GABBR2: variants seen among roughly 807,000 people sequenced by gnomAD.
The protein encoded by GABBR2 is gamma-aminobutyric acid type B receptor subunit 2.
Under a neutral mutation model 105.6 loss-of-function variants are expected in GABBR2, and 23 were observed. That is an observed-to-expected ratio of 0.22 (90% confidence interval 0.16 to 0.31). The LOEUF (loss-of-function observed/expected upper bound fraction) is 0.31. Ranked by LOEUF, GABBR2 falls within the 10% of genes least tolerant of loss-of-function variation. The pLI is 1.00. For synonymous variants in GABBR2, 478 were observed against 499.7 expected, an observed-to-expected ratio of 0.96 and a Z score of 0.58; for missense variants, 734 against 1,245.5, an observed-to-expected ratio of 0.59 and a Z score of 6.18.
At chr9:98,383,472 G>A (rs945699703) in intron 11 of GABBR2, among the ~76,000 whole-genome samples, 1 of 152,202 alleles carries the variant, frequency 6.6e-6, no homozygotes, top group African/African-American at 2.4e-5. Context: ...CAGGCTTGGA[G>A]TGAAAAACTC....
intron 1 of GABBR2, chr9:98,607,456 T>C (rs915748227): frequency 1.7e-5 from 10 of 584,478 alleles, no homozygotes; most frequent in Non-Finnish European, 3.1e-5. Context: ...AAAAAACAGA[T>C]AATGAAAGAA....
At chr9:98,414,328 C>T (rs1832646436) in intron 7 of GABBR2, among the ~76,000 whole-genome samples, 1 of 152,132 alleles carries the variant, frequency 6.6e-6, no homozygotes, top group South Asian at 2.1e-4. Context: ...GAGGAAATTG[C>T]AAGTGCAAAG....
At chr9:98,586,284 CTTTTT>C (rs569530376) in intron 1 of GABBR2, among the ~76,000 whole-genome samples, 3 of 131,096 alleles carry the variant, frequency 2.3e-5, no homozygotes, top group South Asian at 2.4e-4. Flanking sequence ...TCTTTTCTTT[CTTTTT>C]TTTTTTTTTT....
intron 7 of GABBR2, among the ~76,000 whole-genome samples, chr9:98,445,213 G>C (rs1194566016): frequency 2.6e-5 from 4 of 152,166 alleles, no homozygotes; most frequent in Non-Finnish European, 5.9e-5. Context: ...GAAGGGCTGT[G>C]GTCCCTGCAA....
At chr9:98,561,370 C>T (rs1828672134) in intron 2 of GABBR2, among the ~76,000 whole-genome samples, 1 of 151,628 alleles carries the variant, frequency 6.6e-6, no homozygotes, top group Non-Finnish European at 1.5e-5. Context: ...TTTCTTAACA[C>T]AATTTCCTAC....
chr9:98,447,063 C>CTTTTT (rs369338702), intron 7 of GABBR2, among the ~76,000 whole-genome samples: 12 of 116,338 alleles, frequency 1.0e-4, no homozygotes, highest in African/African-American at 3.8e-4. Context: ...AAAAAGACTT[C>CTTTTT]TTTTTTTTTT....
At chr9:98,617,396 A>G (rs2131818700) in intron 1 of GABBR2, among the ~76,000 whole-genome samples, 1 of 152,328 alleles carries the variant, frequency 6.6e-6, no homozygotes, top group South Asian at 2.1e-4. Context: ...TGTCTAGACA[A>G]GGAGACGCAA....
intron 7 of GABBR2, among the ~76,000 whole-genome samples, chr9:98,429,306 ATTG>A (rs1229633417): frequency 2.6e-5 from 4 of 151,784 alleles, no homozygotes; most frequent in African/African-American, 9.7e-5. Context: ...TGCCCAGCCA[ATTG>A]TTGTATTTTT....
At chr9:98,536,998 A>G (rs1195052890) in intron 3 of GABBR2, among the ~76,000 whole-genome samples, 1 of 152,158 alleles carries the variant, frequency 6.6e-6, no homozygotes, top group Non-Finnish European at 1.5e-5. Context: ...TCCCACCACC[A>G]GAGGGCGTCA....
chr9:98,512,943 A>G (rs1201152628), intron 3 of GABBR2, among the ~76,000 whole-genome samples: 5 of 151,908 alleles, frequency 3.3e-5, no homozygotes, highest in Admixed American at 6.6e-5. Context: ...AGCCCGCATC[A>G]CCAAGTCAAT....
intron 1 of GABBR2, among the ~76,000 whole-genome samples, chr9:98,707,004 G>A (rs191297387): frequency 9.8e-4 from 149 of 152,320 alleles, no homozygotes; most frequent in African/African-American, 3.4e-3. Context: ...GGCAGAGGAC[G>A]CCTCTCCGCC....
chr9:98,371,573 TA>T lies in GABBR2; in HGVS notation c.1663-3del. 1 of 1,571,666 alleles carries T rather than the reference TA, an allele frequency of 6.4e-7. No individual in the cohort carries two copies. The highest frequency in any genetic ancestry group is 2.2e-5 in the East Asian group (1 of 44,702). The stretch of plus-strand genomic sequence containing the variant: ...CACGGTGAGAATCCAGGTCCTGACC[TA>T]GAGGCCATGAGAAAACAGAGGCATT... On this transcript the variant is annotated splice_polypyrimidine_tract_variant and splice_region_variant and intron_variant, in intron 11 of 18. Transcript: ENST00000259455.
chr9:98,538,356 AAACT>A (rs1393563004), intron 3 of GABBR2, among the ~76,000 whole-genome samples: 1 of 152,224 alleles, frequency 6.6e-6, no homozygotes, highest in Non-Finnish European at 1.5e-5. Context: ...GAGCAAGCTG[AAACT>A]TTCCAGTAGC....
At chr9:98,629,498 T>C (rs1200387960) in intron 1 of GABBR2, among the ~76,000 whole-genome samples, 1 of 152,206 alleles carries the variant, frequency 6.6e-6, no homozygotes, top group Non-Finnish European at 1.5e-5. Flanking sequence ...CACTCCTACC[T>C]CCAATAGCTT....
intron 1 of GABBR2, among the ~76,000 whole-genome samples, chr9:98,695,593 G>A (rs1830739529): frequency 6.6e-6 from 1 of 152,198 alleles, no homozygotes; most frequent in African/African-American, 2.4e-5. Flanking sequence ...CTGCTACACA[G>A]CATTTCACAT....
At chr9:98,524,522 C>T (rs149188365) in intron 3 of GABBR2, among the ~76,000 whole-genome samples, 8 of 152,300 alleles carry the variant, frequency 5.3e-5, no homozygotes, top group Non-Finnish European at 1.0e-4. Context: ...ATTCAACAGG[C>T]GTATCTAAAC....
chr9:98,648,128 G>GTGTGT (rs1271189831), intron 1 of GABBR2, among the ~76,000 whole-genome samples: 1 of 72,238 alleles, frequency 1.4e-5, no homozygotes, highest in African/African-American at 5.8e-5. Context: ...TAGATAGATA[G>GTGTGT]ATAGATAGAT....
chr9:98,586,338 C>T (rs1231139192), intron 1 of GABBR2, among the ~76,000 whole-genome samples: 1 of 140,666 alleles, frequency 7.1e-6, no homozygotes, highest in East Asian at 2.1e-4. Flanking sequence ...CTCAGTCTGT[C>T]ACCTAGGTTG....
chr9:98,632,822 T>C (rs1276043207), intron 1 of GABBR2, among the ~76,000 whole-genome samples: 1 of 152,210 alleles, frequency 6.6e-6, no homozygotes, highest in Non-Finnish European at 1.5e-5. Flanking sequence ...CTTTTACCAC[T>C]AAGTTTGGGA....
Sources: allele counts gnomAD v4.1 joint callset (sites outside exome capture counted in the v4.1 genomes callset), GRCh38; gene constraint gnomAD v4.1.1; transcripts MANE v1.5; gene names NCBI Gene and HGNC (gene_info 2026-07-23, HGNC 2026-07-21).